The following XPC variants were observed in gnomAD, a reference collection of about 807,000 sequenced individuals.
The protein encoded by XPC is DNA repair protein complementing XP-C cells.
Under a neutral mutation model 95.8 loss-of-function variants are expected in XPC, and 76 were observed. That is an observed-to-expected ratio of 0.79 (90% confidence interval 0.66 to 0.96). XPC has a LOEUF of 0.96. Among genes scored for constraint, XPC ranks in the 40% least tolerant of loss-of-function variants. The pLI is 0.00. For synonymous variants in XPC, 442 were observed against 442.1 expected (o/e 1.00, Z 0.00); for missense variants, 1,146 against 1,179.8 (o/e 0.97, Z 0.42).
In XPC at chr3:14,178,523, G is replaced by T. The variant is rs1870134; in HGVS notation, c.46C>A (p.Leu16Met). 6.2e-6 allele frequency: 10 copies of T among 1,612,802 alleles called. No homozygotes were observed. The highest frequency in any genetic ancestry group is 7.6e-6 in the Non-Finnish European group (9 of 1,179,588). Reference protein sequence around the residue: ...AAGGEPRGRELRSQKSKAKSK... With the variant: ...AAGGEPRGREMRSQKSKAKSK... ...TTGGCCTTGGATTTCTGGCTGCGCAGTTCGCGTCCCCGCGGCTCCCCGCCG... is the reference window on the plus strand; with the variant it reads ...TTGGCCTTGGATTTCTGGCTGCGCATTTCGCGTCCCCGCGGCTCCCCGCCG... The change falls in exon 1 of 16, where the codon CTG (leucine) becomes ATG (methionine). Residue 16 changes from leucine (L) to methionine (M), a missense_variant. Leu to Met is a conservative substitution (Grantham distance 15). Coordinates refer to ENST00000285021, the MANE Select transcript of XPC (RefSeq NM_004628.5).
Position 14,155,678 on chromosome 3 carries a change from C to T in XPC, c.2033+657G>A, listed in dbSNP as rs1574958256. Among the ~76,000 whole-genome samples the T allele has an allele frequency of 2.0e-5, 3 of 152,234 alleles. 1 individual carries two copies. Among genetic ancestry groups the T allele is most frequent in the Admixed American group, 2.0e-4 (3 of 15,298 alleles). ...GTTCACGCCATTCTCCTGCCTCAGC[C>T]TCTCCGAGTCGCTGGGACTACAGGC... On this transcript the variant is annotated intron_variant, in intron 10 of 15. Transcript: ENST00000285021.
chr3:14,159,213 T>C (rs1366211224), intron 8 of XPC, among the ~76,000 whole-genome samples: 3 of 152,208 alleles, frequency 2.0e-5, no homozygotes, highest in African/African-American at 7.2e-5. Flanking sequence ...TTAGGTAAAT[T>C]ACTTAACCTC....
chr3:14,173,076 C>A lies in XPC; in HGVS notation c.104-14G>T, dbSNP rs1226765398. The A allele has an allele frequency of 1.3e-6, 2 of 1,545,902 alleles. No homozygotes were observed. The highest frequency in any genetic ancestry group is 2.3e-5 in the East Asian group (1 of 43,754). ...CTTCAAAGGCATCTAGGTGACAACA[C>A]AGAACATAAGGTGAGGGGTGGAAGG... On this transcript the variant is annotated splice_polypyrimidine_tract_variant and intron_variant, in intron 1 of 15. Coordinates refer to ENST00000285021, the MANE Select transcript of XPC (RefSeq NM_004628.5).
chr3:14,158,119 G>C lies in XPC; in HGVS notation c.1764C>G (p.Val588=), dbSNP rs554330688. ...VRDVTQRYDP[V]WMTVTRKCRV... is the part of the protein sequence containing the mutation. The stretch of plus-strand genomic sequence containing the variant: ...GGCACTTGCGGGTCACTGTCATCCA[G>C]ACTGGGTCGTACCTCTGTGTGACAT... Residue 588 remains valine, a synonymous_variant, in exon 9 of 16, where the codon GTC becomes GTG. Transcript: ENST00000285021. The surrounding 1 kb of genome is among the most constrained non-coding windows in gnomAD (Gnocchi z 5.2). The C allele has an allele frequency of 2.7e-5, 43 of 1,613,972 alleles. No individual in the cohort carries two copies. In the East Asian group the frequency reaches 5.1e-4, roughly 19 times the overall value.
Position 14,159,630 on chromosome 3 carries a change from C to A in XPC, c.990+111G>T. Reference sequence around the variant, plus strand: ...AGGGTATGTGCAAGGCTCGAAAGAACCCACACTCCGTGAATACCAGCTCTT... The same window carrying A: ...AGGGTATGTGCAAGGCTCGAAAGAAACCACACTCCGTGAATACCAGCTCTT... On this transcript the variant is annotated intron_variant, in intron 8 of 15. Transcript: ENST00000285021. 3 of 1,133,168 alleles carry A rather than the reference C, an allele frequency of 2.6e-6. No individual in the cohort carries two copies. In the South Asian group the frequency reaches 4.1e-5, roughly 15 times the overall value. 70.2% of individuals were successfully genotyped at this position (1,133,168 alleles called of 1,614,324 possible). A position where few individuals can be genotyped will look rare whatever the true frequency, so the allele number is the denominator to read the frequency against.
chr3:14,155,901 C>T (rs571109483), intron 10 of XPC, among the ~76,000 whole-genome samples: 37 of 152,264 alleles, frequency 2.4e-4, no homozygotes, highest in African/African-American at 8.7e-4. Context: ...GCATTAGGTC[C>T]ATTCACAACA....
rs1388637398 is a variant in XPC, at chr3:14,178,586, A to G, written c.-18T>C. The G allele has an allele frequency of 1.9e-6, 3 of 1,612,404 alleles. No individual in the cohort carries two copies. The highest frequency in any genetic ancestry group is 2.5e-6 in the Non-Finnish European group (3 of 1,179,070). On this transcript the variant is annotated 5_prime_UTR_variant, in exon 1 of 16. Transcript: ENST00000285021. ...CGAGCCATGTTGCTTGTCTGGGCAA[A>G]TTCCACTTCGCGAGTGACGCACCCG...
rs1695989692 is a variant in XPC at position 14,158,040 on chromosome 3, T to C, written c.1843A>G (p.Met615Val). 1 of 1,602,746 alleles carries C rather than the reference T, an allele frequency of 6.2e-7. No individual in the cohort carries two copies. Among genetic ancestry groups the C allele is most frequent in the Non-Finnish European group, 8.5e-7 (1 of 1,170,428 alleles). Residue 615 changes from methionine (M) to valine (V), a missense_variant, in exon 9 of 16, where the codon ATG becomes GTG. Coordinates refer to ENST00000285021, the MANE Select transcript of XPC (RefSeq NM_004628.5). This position sits in a 1 kb window ranked among gnomAD's most constrained non-coding sequence, Gnocchi z 5.2. ...ETLRPYQSPF[M>V]DREKKEDLEF... Reference sequence around the variant, plus strand: ...AAGTCTTCTTTCTTCTCCCTGTCCATAAATGGGCTCTGGTATGGTCTCAAG... The same window carrying C: ...AAGTCTTCTTTCTTCTCCCTGTCCACAAATGGGCTCTGGTATGGTCTCAAG...
In XPC at chr3:14,147,289, C is replaced by T; in HGVS notation, c.2604+1G>A. On this transcript the variant is annotated splice_donor_variant, in intron 15 of 15. Coordinates refer to ENST00000285021, the MANE Select transcript of XPC (RefSeq NM_004628.5). LOFTEE classifies it high-confidence loss of function. ...CTTCTCTGCAAAGAACCTGCACTGA[C>T]CTTGGGCCCGTAGCGACGCTTCAGC... is the stretch of plus-strand genomic sequence containing the variant. 1 of 1,608,074 alleles carries T rather than the reference C, an allele frequency of 6.2e-7. No homozygotes were observed. Among genetic ancestry groups the T allele is most frequent in the South Asian group, 1.1e-5 (1 of 89,476 alleles).
At position 14,148,928 on chromosome 3, in the gene XPC, G is replaced by A. The variant is rs748935620; in HGVS notation, c.2136C>T (p.Asn712=). ...VPYKMVKGFS[N]RARKARLAEP... ...CAGCAAGTCGGGCTTTCCGAGCACGGTTAGAAAAGCCTTTCACCATCTGCA... is the reference window on the plus strand; with the variant it reads ...CAGCAAGTCGGGCTTTCCGAGCACGATTAGAAAAGCCTTTCACCATCTGCA... Residue 712 remains asparagine, a synonymous_variant, in exon 12 of 16, where the codon AAC becomes AAT. Coordinates refer to ENST00000285021, the MANE Select transcript of XPC (RefSeq NM_004628.5). 7 of 1,613,890 alleles carry A rather than the reference G, an allele frequency of 4.3e-6. No individual in the cohort carries two copies. The highest frequency in any genetic ancestry group is 1.3e-5 in the African/African-American group (1 of 74,930).
rs1696024053 is a variant in XPC, at chr3:14,158,487, T to C, written c.1396A>G (p.Lys466Glu). The C allele has an allele frequency of 6.2e-7, 1 of 1,612,370 alleles. No individual in the cohort carries two copies. ...SDEDSEPGPPKQRKAPAPQRT... is the reference protein window; with the variant it reads ...SDEDSEPGPPEQRKAPAPQRT... Reference sequence around the variant, plus strand: ...TGAGGAGCGGGGGCTTTCCTCTGCTTTGGAGGGCCAGGTTCGGAATCCTCA... The same window carrying C: ...TGAGGAGCGGGGGCTTTCCTCTGCTCTGGAGGGCCAGGTTCGGAATCCTCA... The change falls in exon 9 of 16, where the codon AAG (lysine) becomes GAG (glutamate). Residue 466 changes from lysine to glutamate, a missense_variant. Coordinates refer to ENST00000285021, the MANE Select transcript of XPC (RefSeq NM_004628.5). The surrounding 1 kb of genome is among the most constrained non-coding windows in gnomAD (Gnocchi z 5.2).
chr3:14,174,934 C>A (rs1186166225), intron 1 of XPC, among the ~76,000 whole-genome samples: 1 of 151,926 alleles, frequency 6.6e-6, no homozygotes, highest in Non-Finnish European at 1.5e-5. Context: ...ATATGCCTAA[C>A]CAGACTCCTT....
chr3:14,167,049 C>G (rs1229466922), intron 5 of XPC, 120 bp downstream of exon 5: 1 of 836,300 alleles, frequency 1.2e-6, no homozygotes, highest in Non-Finnish European at 1.8e-6. Flanking sequence ...TGCAAAGGCT[C>G]AGAGAGAGTA....
intron 13 of XPC, 176 bp from the exon 14 acceptor site, chr3:14,148,177 C>T: frequency 1.6e-6 from 1 of 608,270 alleles, no homozygotes; most frequent in East Asian, 2.9e-5. Context: ...TGGAAGCTGG[C>T]ACTGCCTCTT....
At chr3:14,156,820 A>C (rs1695931942) in intron 9 of XPC, among the ~76,000 whole-genome samples, 1 of 152,230 alleles carries the variant, frequency 6.6e-6, no homozygotes. Flanking sequence ...AGTGCTCTTC[A>C]GTAAGAAGGT....
Position 14,159,738 on chromosome 3 carries a change from C to T in XPC, c.990+3G>A. On this transcript the variant is annotated splice_donor_region_variant and intron_variant, in intron 8 of 15. Coordinates refer to ENST00000285021, the MANE Select transcript of XPC (RefSeq NM_004628.5). ...TCTTCTCTGGCAGCCCTGCGCACCT[C>T]ACCTTTGCTGTTGCTGACTTCAGAG... 6.4e-7 allele frequency: 1 copy of T among 1,559,322 alleles called. No individual in the cohort carries two copies. The highest frequency in any genetic ancestry group is 1.4e-5 in the African/African-American group (1 of 73,472).
At chr3:14,177,055 G>A (rs1418051831) in intron 1 of XPC, among the ~76,000 whole-genome samples, 1 of 152,122 alleles carries the variant, frequency 6.6e-6, no homozygotes, top group Non-Finnish European at 1.5e-5. Context: ...CTGCACTCCA[G>A]CCTCAGCGAC....
chr3:14,145,900 G>T lies in XPC; in HGVS notation c.*41C>A, dbSNP rs1368397822. 6.3e-7 allele frequency: 1 copy of T among 1,583,092 alleles called. No homozygotes were observed. Among genetic ancestry groups the T allele is most frequent in the African/African-American group, 1.4e-5 (1 of 74,012 alleles). On this transcript the variant is annotated 3_prime_UTR_variant, in exon 16 of 16. Coordinates refer to ENST00000285021, the MANE Select transcript of XPC (RefSeq NM_004628.5). ...GGGCAGGTGTGGGGCCTGTAGTGGG[G>T]CAGCAGCAACTGGTGGGTGCCCCTC...
chr3:14,148,026 A>G (rs1326337113), intron 13 of XPC, 25 bp from the exon 14 acceptor site: 1 of 1,541,272 alleles, frequency 6.5e-7, no homozygotes, highest in East Asian at 2.4e-5. Flanking sequence ...CGCGATGTCA[A>G]CCCTCGAACC....
Sources: allele counts gnomAD v4.1 joint callset (sites outside exome capture counted in the v4.1 genomes callset), GRCh38; gene constraint gnomAD v4.1.1; non-coding constraint Gnocchi (gnomAD v3.1); transcripts MANE v1.5; gene names NCBI Gene and HGNC (gene_info 2026-07-23, HGNC 2026-07-21).